The following BBS9 variants were observed in gnomAD, a reference collection of about 807,000 sequenced individuals.
BBS9 encodes protein PTHB1.
BBS9 carries 89 observed loss-of-function variants against 117.7 expected under a neutral mutation model. That is an observed-to-expected ratio of 0.76 (90% CI 0.64 to 0.90). BBS9 has a LOEUF of 0.90. BBS9 is among the 40% of genes least tolerant of loss of function. BBS9 has a pLI of 0.00. For missense variants in BBS9, 982 were observed against 1,042.2 expected (o/e 0.94, Z 0.80); for synonymous variants, 379 against 370.9 (o/e 1.02, Z -0.25).
intron 5 of BBS9, among the ~76,000 whole-genome samples, chr7:33,188,768 A>T (rs1028360434): frequency 6.6e-6 from 1 of 152,184 alleles, no homozygotes; most frequent in Non-Finnish European, 1.5e-5. Context: ...GGGTAGGAAC[A>T]TTGGTCATGT....
At chr7:33,430,998 G>A (rs1159857822) in intron 19 of BBS9, among the ~76,000 whole-genome samples, 1 of 151,486 alleles carries the variant, frequency 6.6e-6, no homozygotes, top group Non-Finnish European at 1.5e-5. Context: ...AGACTAACCT[G>A]GGCAGCATGG....
At chr7:33,415,265 G>C (rs1831797835) in intron 19 of BBS9, among the ~76,000 whole-genome samples, 1 of 152,190 alleles carries the variant, frequency 6.6e-6, no homozygotes, top group African/African-American at 2.4e-5. Flanking sequence ...AAGACCCCAA[G>C]TTAGGGAGAA....
rs533516137 is a variant in BBS9, at chr7:33,421,134, A to G, written c.2115+32990A>G. 1.4e-4 allele frequency among the ~76,000 whole-genome samples: 21 copies of G among 152,248 alleles called. 1 individual carries two copies. The highest frequency in any genetic ancestry group is 9.2e-4 in the Admixed American group (14 of 15,294). On this transcript the variant is annotated intron_variant, in intron 19 of 22. Transcript: ENST00000242067. ...TAAAGCAGGTTTAAGTCATTTGGCTATTTAAACTGTAGAACTGCCTGCTTT... is the reference window on the plus strand; with the variant it reads ...TAAAGCAGGTTTAAGTCATTTGGCTGTTTAAACTGTAGAACTGCCTGCTTT...
intron 1 of BBS9, among the ~76,000 whole-genome samples, chr7:33,136,845 A>G (rs1239688781): frequency 6.6e-6 from 1 of 152,168 alleles, no homozygotes; most frequent in African/African-American, 2.4e-5. Flanking sequence ...TGAGGTGGGA[A>G]GTATCCTCTC....
At chr7:33,567,529 A>G (rs1857104115) in intron 21 of BBS9, among the ~76,000 whole-genome samples, 3 of 151,914 alleles carry the variant, frequency 2.0e-5, no homozygotes, top group South Asian at 4.2e-4. Context: ...AGCCTCTTTC[A>G]TGGGCCTCTC....
At chr7:33,535,382 G>T (rs1851217175) in intron 21 of BBS9, among the ~76,000 whole-genome samples, 1 of 152,138 alleles carries the variant, frequency 6.6e-6, no homozygotes, top group African/African-American at 2.4e-5. Flanking sequence ...GCATGATTCA[G>T]CCTTTAAATT....
chr7:33,172,236 C>G (rs1796688587), intron 4 of BBS9, among the ~76,000 whole-genome samples: 1 of 152,104 alleles, frequency 6.6e-6, no homozygotes, highest in Non-Finnish European at 1.5e-5. Flanking sequence ...AAAAAATTAG[C>G]TGGACATGGT....
chr7:33,362,008 A>G (rs966529238), intron 16 of BBS9, among the ~76,000 whole-genome samples: 2 of 152,166 alleles, frequency 1.3e-5, no homozygotes, highest in East Asian at 1.9e-4. Flanking sequence ...GAACATATCC[A>G]TCACTGCCAA....
At chr7:33,352,806 A>G in intron 14 of BBS9, 53 bp from the exon 15 acceptor site, 2 of 1,586,888 alleles carry the variant, frequency 1.3e-6, no homozygotes, top group Non-Finnish European at 1.7e-6. Flanking sequence ...ACCACAGATA[A>G]TTTGTTGCCT....
chr7:33,475,418 A>G (rs1841666322), intron 19 of BBS9, among the ~76,000 whole-genome samples: 1 of 152,164 alleles, frequency 6.6e-6, no homozygotes, highest in South Asian at 2.1e-4. Context: ...CATATTTGGG[A>G]TAGAGCCAGT....
In BBS9 at chr7:33,620,760, CAA is replaced by C. The variant is rs566040095; in HGVS notation, c.2522-14414_2522-14413del. Reference sequence around the variant, plus strand: ...CAATTCTCAAATTTGTATGCAACCACAAAAGACTCTAAATAGCCAAAGCAGTC... The same window carrying C: ...CAATTCTCAAATTTGTATGCAACCACAAGACTCTAAATAGCCAAAGCAGTC... On this transcript the variant is annotated intron_variant, in intron 21 of 21. Transcript: ENST00000671952. Among the ~76,000 whole-genome samples, 331 of 152,220 alleles carry C rather than the reference CAA, an allele frequency of 2.2e-3. 2 individuals carry two copies. The highest frequency in any genetic ancestry group is 7.7e-3 in the African/African-American group (321 of 41,560).
At chr7:33,289,782 G>A (rs538458457) in intron 9 of BBS9, among the ~76,000 whole-genome samples, 11 of 152,078 alleles carry the variant, frequency 7.2e-5, no homozygotes, top group Non-Finnish European at 1.5e-4. Flanking sequence ...GGTGGCTCAC[G>A]CCTGTAATCC....
At chr7:33,433,542 G>A (rs1291860533) in intron 19 of BBS9, among the ~76,000 whole-genome samples, 2 of 152,098 alleles carry the variant, frequency 1.3e-5, no homozygotes, top group African/African-American at 4.8e-5. Flanking sequence ...ATATTGATTA[G>A]TGCAAGTAAT....
chr7:33,154,322 A>G (rs1291172034), intron 3 of BBS9, among the ~76,000 whole-genome samples: 2 of 152,156 alleles, frequency 1.3e-5, no homozygotes, highest in Non-Finnish European at 2.9e-5. Flanking sequence ...AGTTTAAATG[A>G]TCATACATAT....
chr7:33,624,958 C>T (rs117226911), intron 21 of BBS9, among the ~76,000 whole-genome samples: 6 of 152,218 alleles, frequency 3.9e-5, no homozygotes, highest in Middle Eastern at 3.4e-3. Context: ...GAAATGTGTA[C>T]GGCCATAATT....
chr7:33,275,586 G>C (rs1471689669), intron 9 of BBS9, among the ~76,000 whole-genome samples: 4 of 152,116 alleles, frequency 2.6e-5, no homozygotes, highest in African/African-American at 9.7e-5. Context: ...GTCTCATTTT[G>C]ACTTATAATC....
rs537693929 is a variant in BBS9, at chr7:33,589,628, C to T, written c.2522-15237C>T. 1.1e-3 allele frequency among the ~76,000 whole-genome samples: 164 copies of T among 151,942 alleles called. 2 individuals are homozygous for T. The highest frequency in any genetic ancestry group is 3.8e-3 in the African/African-American group (157 of 41,446). On this transcript the variant is annotated intron_variant, in intron 21 of 22. Transcript: ENST00000242067. ...TAGAATGACTCTAGTAGTTTTGGCT[C>T]GAGACACTGAAAGGGTGGAGTTGAG...
At chr7:33,348,985 C>A in intron 12 of BBS9, 83 bp from the exon 13 acceptor site, 1 of 941,528 alleles carries the variant, frequency 1.1e-6, no homozygotes. Context: ...TAATTATTTG[C>A]TAGTTATGTT....
intron 21 of BBS9, among the ~76,000 whole-genome samples, chr7:33,548,210 G>A (rs1330275971): frequency 1.3e-5 from 2 of 152,026 alleles, no homozygotes; most frequent in African/African-American, 4.8e-5. Context: ...AGATAATTTG[G>A]GGAAAAAATC....
Sources: gnomAD v4.1 joint callset for allele counts (sites outside exome capture counted in the v4.1 genomes callset) on GRCh38, gnomAD v4.1.1 for gene constraint, MANE v1.5 for transcripts, NCBI Gene and HGNC (gene_info 2026-07-23, HGNC 2026-07-21) for gene names.